PDE10A: variants seen among roughly 807,000 people sequenced by gnomAD.
The protein encoded by PDE10A is cAMP and cAMP-inhibited cGMP 3',5'-cyclic phosphodiesterase 10A.
In PDE10A, 39 loss-of-function variants were observed where a neutral mutation model predicts 97.7. The observed-to-expected ratio is 0.40, with a 90% confidence interval of 0.31 to 0.52. PDE10A has a LOEUF of 0.52. PDE10A is among the 20% of genes least tolerant of loss of function. PDE10A has a pLI of 0.56. For missense variants in PDE10A, 731 were observed against 1,047.8 expected (o/e 0.70, Z 4.17); for synonymous variants, 371 against 376.8 (o/e 0.98, Z 0.18).
intron 1 of PDE10A, among the ~76,000 whole-genome samples, chr6:165,672,072 A>G (rs1370255614): frequency 6.6e-6 from 1 of 152,222 alleles, no homozygotes; most frequent in Non-Finnish European, 1.5e-5. Flanking sequence ...CAGAAGACAG[A>G]TCAATATAGA....
intron 1 of PDE10A, among the ~76,000 whole-genome samples, chr6:165,818,000 C>T (rs939266934): frequency 6.6e-6 from 1 of 152,232 alleles, no homozygotes; most frequent in Non-Finnish European, 1.5e-5. Flanking sequence ...GCACATCGTA[C>T]TTCACACGGT....
chr6:165,446,192 T>C (rs1300642856), intron 5 of PDE10A, among the ~76,000 whole-genome samples: 1 of 152,216 alleles, frequency 6.6e-6, no homozygotes, highest in South Asian at 2.1e-4. Flanking sequence ...CTACCAAAGA[T>C]ATATTCCAAG....
At chr6:165,825,172 A>G (rs1160703809) in intron 1 of PDE10A, among the ~76,000 whole-genome samples, 1 of 151,224 alleles carries the variant, frequency 6.6e-6, no homozygotes, top group Non-Finnish European at 1.5e-5. Context: ...AGAAAAAGAA[A>G]AAAAAAGAAA....
intron 18 of PDE10A, among the ~76,000 whole-genome samples, chr6:165,359,179 T>C (rs1783223986): frequency 6.6e-6 from 1 of 152,134 alleles, no homozygotes; most frequent in Non-Finnish European, 1.5e-5. Context: ...TGTTAATATG[T>C]TCTATTTATC....
chr6:165,738,822 T>G (rs1222697717), intron 1 of PDE10A, among the ~76,000 whole-genome samples: 4 of 152,244 alleles, frequency 2.6e-5, no homozygotes, highest in African/African-American at 9.6e-5. Context: ...TTTTGAGAAG[T>G]GTCTGTTCAT....
chr6:165,689,795 G>A (rs1582933781), intron 1 of PDE10A, among the ~76,000 whole-genome samples: 1 of 152,154 alleles, frequency 6.6e-6, no homozygotes, highest in East Asian at 1.9e-4. Context: ...AACACAAAAT[G>A]GACTAAGACA....
At chr6:165,796,900 A>G (rs1239296099) in intron 1 of PDE10A, among the ~76,000 whole-genome samples, 1 of 152,196 alleles carries the variant, frequency 6.6e-6, no homozygotes, top group African/African-American at 2.4e-5. Context: ...TTCTGGATTT[A>G]CTGATTGTTT....
intron 1 of PDE10A, among the ~76,000 whole-genome samples, chr6:165,656,394 T>C (rs1407084004): frequency 6.6e-6 from 1 of 151,422 alleles, no homozygotes; most frequent in African/African-American, 2.4e-5. Flanking sequence ...TGCTTGTATC[T>C]CTCCCGACCA....
chr6:165,467,133 G>C (rs547641250), intron 3 of PDE10A, among the ~76,000 whole-genome samples: 1 of 152,174 alleles, frequency 6.6e-6, no homozygotes, highest in Non-Finnish European at 1.5e-5. Context: ...AGAGATGTGG[G>C]AAAGCTGCAG....
intron 18 of PDE10A, 101 bp from the exon 19 acceptor site, chr6:165,343,603 T>C (rs1782115428): frequency 3.7e-6 from 3 of 805,924 alleles, no homozygotes; most frequent in Non-Finnish European, 6.5e-6. Flanking sequence ...TAAGTATGTA[T>C]TACTTCATTA....
At chr6:165,835,536 C>T (rs931925664) in intron 1 of PDE10A, among the ~76,000 whole-genome samples, 7 of 152,246 alleles carry the variant, frequency 4.6e-5, no homozygotes, top group African/African-American at 1.4e-4. Context: ...CTGGTCTAAG[C>T]TCGTGGACGC....
intron 2 of PDE10A, among the ~76,000 whole-genome samples, chr6:165,504,771 G>A (rs1029112312): frequency 1.3e-5 from 2 of 152,086 alleles, no homozygotes; most frequent in African/African-American, 4.8e-5. Context: ...AAAGAAATAT[G>A]GTGGCAGATA....
At chr6:165,571,593 G>A (rs1238911738) in intron 1 of PDE10A, among the ~76,000 whole-genome samples, 1 of 152,144 alleles carries the variant, frequency 6.6e-6, no homozygotes. Flanking sequence ...TCTCATTTGT[G>A]ACCTCAGCCA....
At chr6:165,891,455 G>T (rs755734608) in intron 1 of PDE10A, among the ~76,000 whole-genome samples, 4 of 152,122 alleles carry the variant, frequency 2.6e-5, no homozygotes, top group African/African-American at 9.7e-5. Flanking sequence ...AGCCTCCCAG[G>T]TTCAGCCAGG....
intron 1 of PDE10A, among the ~76,000 whole-genome samples, chr6:165,960,051 G>A (rs1347421978): frequency 1.3e-5 from 2 of 152,000 alleles, no homozygotes; most frequent in South Asian, 2.1e-4. Context: ...TAGAACCAAG[G>A]TACAGCCATC....
intron 13 of PDE10A, among the ~76,000 whole-genome samples, chr6:165,406,711 C>T (rs947800205): frequency 1.2e-4 from 19 of 152,098 alleles, no homozygotes; most frequent in African/African-American, 4.3e-4. Context: ...TTCTGGGAGA[C>T]TGGTACTGGA....
intron 1 of PDE10A, among the ~76,000 whole-genome samples, chr6:165,758,489 AAAG>A (rs1793169482): frequency 8.0e-6 from 1 of 125,020 alleles, no homozygotes; most frequent in African/African-American, 2.6e-5. Context: ...AAGAAAGGAG[AAAG>A]AAGAAAGAAG....
At chr6:165,854,655 G>A (rs983315437) in intron 1 of PDE10A, among the ~76,000 whole-genome samples, 1 of 152,172 alleles carries the variant, frequency 6.6e-6, no homozygotes, top group Admixed American at 6.5e-5. Flanking sequence ...GTGCAGGAGC[G>A]GGCTTGGCTC....
intron 3 of PDE10A, among the ~76,000 whole-genome samples, chr6:165,480,593 A>T (rs1779548517): frequency 6.6e-6 from 1 of 152,176 alleles, no homozygotes; most frequent in South Asian, 2.1e-4. Flanking sequence ...CAATTAAAAA[A>T]AAAAAGTATA....
Sources: allele counts gnomAD v4.1 joint callset (sites outside exome capture counted in the v4.1 genomes callset), GRCh38; gene constraint gnomAD v4.1.1; transcripts MANE v1.5; gene names NCBI Gene and HGNC (gene_info 2026-07-23, HGNC 2026-07-21).